Variants in MICU1 observed in about 807,000 individuals in gnomAD.
The protein encoded by MICU1 is mitochondrial calcium uptake 1.
MICU1 carries 45 observed loss-of-function variants against 56.8 expected under a neutral mutation model. The ratio of observed to expected loss-of-function variants is 0.79; its 90% CI spans 0.62 to 1.02. The LOEUF (loss-of-function observed/expected upper bound fraction) is 1.02, where lower values mean the gene tolerates loss of function less well. Among genes scored for constraint, MICU1 ranks in the 50% least tolerant of loss-of-function variants. MICU1 has a pLI of 0.00. For synonymous variants in MICU1, 186 were observed against 195.1 expected (o/e 0.95, Z 0.39); for missense variants, 504 against 587.1 (o/e 0.86, Z 1.46).
At chr10:72,518,034 C>CTTT (rs1197780931) in intron 5 of MICU1, among the ~76,000 whole-genome samples, 1 of 142,740 alleles carries the variant, frequency 7.0e-6, no homozygotes, top group Admixed American at 7.1e-5. Context: ...TTCTTTTCTT[C>CTTT]TTTTTTTTTT....
At chr10:72,558,457 G>A (rs1297531298) in intron 3 of MICU1, among the ~76,000 whole-genome samples, 1 of 152,198 alleles carries the variant, frequency 6.6e-6, no homozygotes, top group Non-Finnish European at 1.5e-5. Flanking sequence ...CAGTAAGTGT[G>A]CAGAAAAGGA....
intron 6 of MICU1, among the ~76,000 whole-genome samples, chr10:72,487,384 T>C (rs550008911): frequency 2.1e-4 from 32 of 152,120 alleles, no homozygotes; most frequent in Non-Finnish European, 3.7e-4. Context: ...AGAGTTTCAA[T>C]GGAAGTTTTA....
intron 1 of MICU1, among the ~76,000 whole-genome samples, chr10:72,602,906 G>A (rs556905718): frequency 1.3e-5 from 2 of 152,302 alleles, no homozygotes; most frequent in East Asian, 3.9e-4. Context: ...AGGAGATTGA[G>A]ACCATCCTGG....
intron 8 of MICU1, 108 bp from the exon 9 acceptor site, chr10:72,423,479 A>T: frequency 7.5e-7 from 1 of 1,327,734 alleles, no homozygotes. Flanking sequence ...GATGACTGGG[A>T]CTATATTTTT....
chr10:72,456,946 G>GGTGTGTGTGTGTGGGTGT (rs1479978263), intron 8 of MICU1, among the ~76,000 whole-genome samples: 108 of 117,788 alleles, frequency 9.2e-4, no homozygotes, highest in Middle Eastern at 4.2e-3. Flanking sequence ...ATATTGCCCA[G>GGTGTGTGTGTGTGGGTGT]GTGTGTGTGT....
At chr10:72,466,518 T>C (rs1865797845) in intron 8 of MICU1, among the ~76,000 whole-genome samples, 2 of 152,352 alleles carry the variant, frequency 1.3e-5, no homozygotes, top group African/African-American at 4.8e-5. Flanking sequence ...CACATTCTGC[T>C]TTGTAGAGGC....
At chr10:72,621,236 G>A (rs973773453) in intron 1 of MICU1, among the ~76,000 whole-genome samples, 4 of 152,078 alleles carry the variant, frequency 2.6e-5, no homozygotes, top group South Asian at 2.1e-4. Context: ...AGTGGCTCAC[G>A]CCTATAATCC....
At chr10:72,623,969 T>C (rs1243684242) in intron 1 of MICU1, among the ~76,000 whole-genome samples, 1 of 151,802 alleles carries the variant, frequency 6.6e-6, no homozygotes, top group Admixed American at 6.6e-5. Flanking sequence ...ATGGAAAAAA[T>C]GGTTAATGTT....
intron 8 of MICU1, among the ~76,000 whole-genome samples, chr10:72,436,336 G>GA (rs1864718025): frequency 6.6e-6 from 1 of 152,174 alleles, no homozygotes; most frequent in Non-Finnish European, 1.5e-5. Context: ...CTGTTAGAAG[G>GA]AAAACTAACA....
chr10:72,439,091 C>A (rs1380515311), intron 8 of MICU1, among the ~76,000 whole-genome samples: 1 of 152,002 alleles, frequency 6.6e-6, no homozygotes, highest in Non-Finnish European at 1.5e-5. Context: ...GGCAGAGACA[C>A]AACAAAAAAA....
Position 72,423,297 on chromosome 10 carries a change from C to A in MICU1, c.1008G>T (p.Gly336=). Residue 336 remains glycine (G), a synonymous_variant, in exon 9 of 12, where the codon GGG becomes GGT. Transcript: ENST00000361114. ...QFGGMLLAYS[G]VQSKKLTAMQ... is the part of the protein sequence containing the mutation. Reference sequence around the variant, plus strand: ...TGGCGGTCAGCTTCTTGGACTGCACCCCACTGTAGGCAAGTAGCATGCCAC... The same window carrying A: ...TGGCGGTCAGCTTCTTGGACTGCACACCACTGTAGGCAAGTAGCATGCCAC... 6.2e-7 allele frequency: 1 copy of A among 1,613,916 alleles called. No homozygotes were observed. Among genetic ancestry groups the A allele is most frequent in the Middle Eastern group, 1.6e-4 (1 of 6,062 alleles).
intron 8 of MICU1, among the ~76,000 whole-genome samples, chr10:72,448,432 C>T (rs1265239209): frequency 6.6e-6 from 1 of 150,976 alleles, no homozygotes; most frequent in Non-Finnish European, 1.5e-5. Context: ...CCTTGGCCTC[C>T]CAAAGTGCTG....
chr10:72,489,184 G>C (rs1866568023), intron 6 of MICU1, among the ~76,000 whole-genome samples: 1 of 151,854 alleles, frequency 6.6e-6, no homozygotes, highest in Non-Finnish European at 1.5e-5. Context: ...CAGCTACTTG[G>C]GAGGCTGAGG....
At chr10:72,596,898 GAACA>G (rs1033693725) in intron 1 of MICU1, among the ~76,000 whole-genome samples, 1 of 148,346 alleles carries the variant, frequency 6.7e-6, no homozygotes, top group African/African-American at 2.5e-5. Context: ...CCAACATGAA[GAACA>G]AACAACAAAA....
At chr10:72,547,813 T>C (rs899228553) in intron 4 of MICU1, among the ~76,000 whole-genome samples, 1 of 152,144 alleles carries the variant, frequency 6.6e-6, no homozygotes, top group Non-Finnish European at 1.5e-5. Flanking sequence ...TTTGGTTTCC[T>C]TAAAAGCAAG....
chr10:72,428,967 G>A (rs1488666685), intron 8 of MICU1, among the ~76,000 whole-genome samples: 1 of 152,204 alleles, frequency 6.6e-6, no homozygotes, highest in Non-Finnish European at 1.5e-5. Flanking sequence ...ACCCATACTT[G>A]CTGGCTGTGA....
At chr10:72,599,289 T>C (rs1473447360) in intron 1 of MICU1, among the ~76,000 whole-genome samples, 3 of 152,230 alleles carry the variant, frequency 2.0e-5, no homozygotes, top group Non-Finnish European at 4.4e-5. Flanking sequence ...TTCAAATTAT[T>C]AAATGCAGAA....
At chr10:72,532,943 G>C (rs1257071259) in intron 5 of MICU1, 1 of 1,212,288 alleles carries the variant, frequency 8.2e-7, no homozygotes, top group East Asian at 5.7e-5. Flanking sequence ...TGCAAAATCA[G>C]TTTTTACTAA....
At chr10:72,393,915 G>A (rs970708831) in intron 10 of MICU1, among the ~76,000 whole-genome samples, 5 of 152,002 alleles carry the variant, frequency 3.3e-5, no homozygotes, top group Non-Finnish European at 7.4e-5. Context: ...ACAGGTGCCC[G>A]CTGCCACTGC....
Sources: allele counts gnomAD v4.1 joint callset (sites outside exome capture counted in the v4.1 genomes callset), GRCh38; gene constraint gnomAD v4.1.1; transcripts MANE v1.5; gene names NCBI Gene and HGNC (gene_info 2026-07-23, HGNC 2026-07-21).